Variants in PRKD1 observed in about 807,000 individuals in gnomAD.
PRKD1 encodes the protein serine/threonine-protein kinase D1.
PRKD1 carries 63 observed loss-of-function variants against 95.9 expected under a neutral mutation model. The ratio of observed to expected loss-of-function variants is 0.66; its 90% CI spans 0.54 to 0.81. PRKD1 has a LOEUF of 0.81. PRKD1 is among the 30% of genes least tolerant of loss of function. The pLI is 0.00. For synonymous variants in PRKD1, 425 were observed against 423.1 expected, an observed-to-expected ratio of 1.00 and a Z score of -0.05; for missense variants, 1,048 against 1,165.3, an observed-to-expected ratio of 0.90 and a Z score of 1.47.
chr14:29,811,391 C>G (rs2139243550), intron 1 of PRKD1, among the ~76,000 whole-genome samples: 1 of 152,282 alleles, frequency 6.6e-6, no homozygotes, highest in East Asian at 1.9e-4. Flanking sequence ...GAGAGGTGAG[C>G]TGGACATCTC....
At chr14:29,768,774 C>A (rs1888376152) in intron 1 of PRKD1, among the ~76,000 whole-genome samples, 1 of 151,380 alleles carries the variant, frequency 6.6e-6, no homozygotes, top group Admixed American at 6.6e-5. Context: ...CATCTACAAA[C>A]ACTACAAAAC....
chr14:29,927,300 G>T lies in PRKD1; in HGVS notation c.213C>A (p.Asp71Glu). The part of the protein sequence containing the change: ...PVLLLQDSSG[D>E]YSLAHVREMA... ...TCTCGCGGACGTGCGCCAGGCTGTA[G>T]TCCCCGGACGAGTCCTGCAGCAGCA... Residue 71 changes from aspartate (D) to glutamate (E), a missense_variant, in exon 1 of 18, where the codon GAC becomes GAA. This residue lies in a region of PRKD1 where 275 missense variants were observed against 248.6 expected (regional missense o/e 1.11). Coordinates refer to ENST00000331968, the MANE Select transcript of PRKD1 (RefSeq NM_002742.3). 1 of 1,547,856 alleles carries T rather than the reference G, an allele frequency of 6.5e-7. No homozygotes were observed. Among genetic ancestry groups the T allele is most frequent in the Non-Finnish European group, 8.7e-7 (1 of 1,148,816 alleles).
intron 11 of PRKD1, 51 bp downstream of exon 11, chr14:29,628,990 A>G (rs778908783): frequency 3.2e-5 from 41 of 1,275,314 alleles, no homozygotes; most frequent in Non-Finnish European, 7.4e-6. Context: ...TGATGCTTTT[A>G]TTTTCCAGTA....
intron 10 of PRKD1, among the ~76,000 whole-genome samples, chr14:29,629,461 G>A (rs1211748907): frequency 6.6e-6 from 1 of 152,042 alleles, no homozygotes; most frequent in Admixed American, 6.6e-5. Flanking sequence ...GTTGGAATTC[G>A]ATTAGGCATT....
At chr14:29,832,853 A>C (rs571894704) in intron 1 of PRKD1, among the ~76,000 whole-genome samples, 13 of 152,240 alleles carry the variant, frequency 8.5e-5, no homozygotes, top group African/African-American at 3.1e-4. Context: ...GTGACGTACT[A>C]GTATAAATTT....
intron 2 of PRKD1, among the ~76,000 whole-genome samples, chr14:29,724,075 G>A (rs894748726): frequency 6.6e-6 from 1 of 152,134 alleles, no homozygotes; most frequent in African/African-American, 2.4e-5. Flanking sequence ...GGAAGAGCAG[G>A]TCTGGCTCAT....
At chr14:29,616,622 C>A (rs1431370558) in intron 13 of PRKD1, among the ~76,000 whole-genome samples, 1 of 151,900 alleles carries the variant, frequency 6.6e-6, no homozygotes, top group African/African-American at 2.4e-5. Flanking sequence ...TTTTATTAAA[C>A]AATACAGATT....
chr14:29,666,183 C>A lies in PRKD1; in HGVS notation c.429G>T (p.Gln143His). 1 of 1,597,526 alleles carries A rather than the reference C, an allele frequency of 6.3e-7. No homozygotes were observed. Among genetic ancestry groups the A allele is most frequent in the South Asian group, 1.1e-5 (1 of 88,278 alleles). The change falls in exon 3 of 18, where the codon CAG (glutamine) becomes CAT (histidine). Residue 143 changes from glutamine (Q) to histidine (H), a missense_variant. Transcript: ENST00000331968. The stretch of plus-strand genomic sequence containing the variant: ...GAACAAAGAGAGCGTGGGGACGAAT[C>A]TGAAAGTCTTCAAAGGTGGCGGAAG... The part of the protein sequence containing the change: ...LSASATFEDF[Q>H]IRPHALFVHS...
chr14:29,846,187 A>G (rs1287807108), intron 1 of PRKD1, among the ~76,000 whole-genome samples: 2 of 152,188 alleles, frequency 1.3e-5, no homozygotes, highest in African/African-American at 4.8e-5. Flanking sequence ...CTGAGGATAC[A>G]GGTATAAACA....
intron 2 of PRKD1, among the ~76,000 whole-genome samples, chr14:29,690,230 C>T (rs1207469158): frequency 6.6e-6 from 1 of 152,092 alleles, no homozygotes; most frequent in African/African-American, 2.4e-5. Context: ...TTTATACTCC[C>T]CAAGTCCATC....
At chr14:29,722,065 T>A (rs1885926050) in intron 2 of PRKD1, among the ~76,000 whole-genome samples, 1 of 152,274 alleles carries the variant, frequency 6.6e-6, no homozygotes, top group African/African-American at 2.4e-5. Flanking sequence ...GAAATAAAAT[T>A]AACCTTGAAA....
intron 13 of PRKD1, among the ~76,000 whole-genome samples, chr14:29,602,427 C>CTTTTTTTTTTT (rs11331211): frequency 7.6e-6 from 1 of 131,438 alleles, no homozygotes. Context: ...CTGTATTCCT[C>CTTTTTTTTTTT]TTTTTTTTTT....
intron 13 of PRKD1, among the ~76,000 whole-genome samples, chr14:29,621,414 A>G (rs924673429): frequency 6.7e-6 from 1 of 148,808 alleles, no homozygotes; most frequent in Non-Finnish European, 1.5e-5. Context: ...TTCTCTCTTT[A>G]TTTCTTTCCC....
At chr14:29,685,034 T>C (rs1264815936) in intron 2 of PRKD1, among the ~76,000 whole-genome samples, 1 of 152,228 alleles carries the variant, frequency 6.6e-6, no homozygotes, top group African/African-American at 2.4e-5. Flanking sequence ...TTCTTTGGTG[T>C]AATGTTTAGA....
intron 1 of PRKD1, among the ~76,000 whole-genome samples, chr14:29,771,124 C>G (rs185088008): frequency 6.6e-6 from 1 of 152,122 alleles, no homozygotes; most frequent in Admixed American, 6.5e-5. Context: ...AAATTCTCAG[C>G]CTTGCCACAT....
intron 8 of PRKD1, among the ~76,000 whole-genome samples, chr14:29,633,751 A>G (rs1168641881): frequency 6.6e-6 from 1 of 152,190 alleles, no homozygotes; most frequent in East Asian, 1.9e-4. Flanking sequence ...CTATAATATC[A>G]GGTAGGTCTT....
chr14:29,847,483 T>C (rs1213893306), intron 1 of PRKD1, among the ~76,000 whole-genome samples: 1 of 152,150 alleles, frequency 6.6e-6, no homozygotes, highest in African/African-American at 2.4e-5. Context: ...AAGGAAATCT[T>C]CTAATACACT....
In PRKD1 at chr14:29,727,952, T is replaced by G. The variant is rs961290095; in HGVS notation, c.265-2278A>C. 2.6e-5 allele frequency among the ~76,000 whole-genome samples: 4 copies of G among 151,624 alleles called. No homozygotes were observed. The South Asian group carries it at 8.4e-4, about 32-fold the overall frequency. ...GCATATTCTCACTCATAGGTGGGAATTGAACAATGAGAATACATGGACACA... is the reference window on the plus strand; with the variant it reads ...GCATATTCTCACTCATAGGTGGGAAGTGAACAATGAGAATACATGGACACA... On this transcript the variant is annotated intron_variant, in intron 1 of 17. Coordinates refer to ENST00000331968, the MANE Select transcript of PRKD1 (RefSeq NM_002742.3).
chr14:29,736,483 T>C (rs1211749674), intron 1 of PRKD1, among the ~76,000 whole-genome samples: 1 of 152,152 alleles, frequency 6.6e-6, no homozygotes, highest in African/African-American at 2.4e-5. Context: ...TGAAGGTGTG[T>C]GAGCTTTGAA....
Sources: gnomAD v4.1 joint callset for allele counts (sites outside exome capture counted in the v4.1 genomes callset) on GRCh38, gnomAD v4.1.1 for gene constraint, gnomAD v4.1.1 regional missense constraint, MANE v1.5 for transcripts, NCBI Gene and HGNC (gene_info 2026-07-23, HGNC 2026-07-21) for gene names.